Variants in NLRP4 observed in about 807,000 individuals in gnomAD.
NLRP4 encodes the protein NLR family pyrin domain containing 4.
A neutral mutation model predicts 84.7 loss-of-function variants in NLRP4; 44 were observed. The observed-to-expected ratio is 0.52, with a 90% CI of 0.41 to 0.67. NLRP4 has a LOEUF of 0.67. Ranked by LOEUF, NLRP4 falls within the 30% of genes least tolerant of loss-of-function variation. NLRP4 has a pLI of 0.00. For synonymous variants in NLRP4, 544 were observed against 476.4 expected (o/e 1.14, Z -1.85); for missense variants, 1,260 against 1,219.4 (o/e 1.03, Z -0.50).
At chr19:55,876,658 T>G (rs897161289) in intron 7 of NLRP4, among the ~76,000 whole-genome samples, 2 of 152,178 alleles carry the variant, frequency 1.3e-5, no homozygotes, top group African/African-American at 4.8e-5. Flanking sequence ...CCACCGCATC[T>G]GGCCTATATA....
At chr19:55,873,484 T>C (rs1985264372) in intron 7 of NLRP4, among the ~76,000 whole-genome samples, 1 of 152,144 alleles carries the variant, frequency 6.6e-6, no homozygotes, top group South Asian at 2.1e-4. Flanking sequence ...AGATTAAATG[T>C]TTCAGCTAAA....
At chr19:55,864,168 T>C (rs1050871207) in intron 5 of NLRP4, among the ~76,000 whole-genome samples, 53 of 152,318 alleles carry the variant, frequency 3.5e-4, no homozygotes, top group African/African-American at 1.2e-3. Context: ...TCATGACTGA[T>C]TTTAGAATGT....
intron 6 of NLRP4, among the ~76,000 whole-genome samples, chr19:55,870,306 CA>C (rs1985124581): frequency 6.6e-6 from 1 of 152,172 alleles, no homozygotes; most frequent in Non-Finnish European, 1.5e-5. Flanking sequence ...TGCCATATTA[CA>C]CGATACTTTT....
In NLRP4 at chr19:55,836,573, G is replaced by C. The variant is rs894741530; in HGVS notation, c.-427G>C. 6.6e-6 allele frequency: 1 copy of C among 152,324 alleles called. No individual in the cohort carries two copies. The highest frequency in any genetic ancestry group is 2.4e-5 in the African/African-American group (1 of 41,444). The allele number at this position is 152,324 out of a possible 1,614,324, so 9.4% of individuals were successfully genotyped here. A position where few individuals can be genotyped will look rare whatever the true frequency, so the allele number is the denominator to read the frequency against. On this transcript the variant is annotated 5_prime_UTR_variant, in exon 1 of 10. Coordinates refer to ENST00000301295, the MANE Select transcript of NLRP4 (RefSeq NM_134444.5). ...GGAAGGCGTGGAGCGGTGAGTCAGC[G>C]CTTCGTGCTGGGCTGTTCGTCTCTT... is the stretch of plus-strand genomic sequence containing the variant.
chr19:55,858,310 A>G lies in NLRP4; in HGVS notation c.917A>G (p.Asp306Gly). ...CAGCCCCGGGGATTCAACGAGAGTG[A>G]TAGGTTAGTGTATTTCTGCTGTTTC... is the stretch of plus-strand genomic sequence containing the variant. The part of the protein sequence containing the change: ...IYQPRGFNES[D>G]RLVYFCCFFK... Residue 306 changes from aspartate to glycine, a missense_variant, in exon 3 of 10, where the codon GAT becomes GGT. This residue lies in a region of NLRP4 where 712 missense variants were observed against 669.2 expected (regional missense o/e 1.06). Transcript: ENST00000301295. The surrounding 1 kb of genome is among the most constrained non-coding windows in gnomAD (Gnocchi z 4.2). The G allele has an allele frequency of 1.2e-6, 2 of 1,614,170 alleles. No individual in the cohort carries two copies. Among genetic ancestry groups the G allele is most frequent in the East Asian group, 2.2e-5 (1 of 44,878 alleles).
chr19:55,877,011 T>C lies in NLRP4; in HGVS notation c.2541T>C (p.Phe847=). The change falls in exon 8 of 10, where the codon TTT becomes TTC. Residue 847 remains phenylalanine, a synonymous_variant. Coordinates refer to ENST00000301295, the MANE Select transcript of NLRP4 (RefSeq NM_134444.5). ...TCCTTTGCAGTTTGGTAAAATGTTT[T>C]ATCACTGCTGCTGGCTGTGAAGACC... The part of the protein sequence containing the change: ...CLDSLCLVKC[F]ITAAGCEDLA... 1 of 1,613,764 alleles carries C rather than the reference T, an allele frequency of 6.2e-7. No individual in the cohort carries two copies. Among genetic ancestry groups the C allele is most frequent in the Non-Finnish European group, 8.5e-7 (1 of 1,179,720 alleles).
intron 1 of NLRP4, among the ~76,000 whole-genome samples, chr19:55,838,557 C>T (rs1299276408): frequency 6.6e-6 from 1 of 152,034 alleles, no homozygotes; most frequent in Admixed American, 6.6e-5. Flanking sequence ...GGTACGTTGT[C>T]ATGCCAGCCC....
At chr19:55,852,386 C>T (rs1177238261) in intron 2 of NLRP4, 26 bp downstream of exon 2, 2 of 1,532,036 alleles carry the variant, frequency 1.3e-6, no homozygotes, top group Non-Finnish European at 1.8e-6. Flanking sequence ...AAGGGGGAAG[C>T]CTTCTTATAA....
At chr19:55,859,706 T>A (rs1055825887) in intron 3 of NLRP4, among the ~76,000 whole-genome samples, 1 of 151,778 alleles carries the variant, frequency 6.6e-6, no homozygotes, top group Non-Finnish European at 1.5e-5. Flanking sequence ...GGCAGGTGGA[T>A]CACTTAAGGT....
Position 55,859,227 on chromosome 19 carries a change from A to G in NLRP4, c.1834A>G (p.Lys612Glu). The G allele has an allele frequency of 6.2e-7, 1 of 1,604,086 alleles. No individual in the cohort carries two copies. The highest frequency in any genetic ancestry group is 8.5e-7 in the Non-Finnish European group (1 of 1,171,640). Reference protein sequence around the residue: ...LCFSVQNVFKKEDEHSSTSDY... With the variant: ...LCFSVQNVFKEEDEHSSTSDY... Reference sequence around the variant, plus strand: ...TTTTTCCGTTCAAAATGTCTTTAAGAAAGAGGATGAACACAGCTCTACGTG... The same window carrying G: ...TTTTTCCGTTCAAAATGTCTTTAAGGAAGAGGATGAACACAGCTCTACGTG... Residue 612 changes from lysine (K) to glutamate (E), a missense_variant, in exon 3 of 10, where the codon AAA becomes GAA. Lys to Glu is a moderately conservative substitution (Grantham distance 56). Around this residue, in one of 3 missense-constraint regions of NLRP4, gnomAD observed 544 missense variants for 531.7 expected, o/e 1.02. Transcript: ENST00000301295.
intron 9 of NLRP4, among the ~76,000 whole-genome samples, 190 bp downstream of exon 9, chr19:55,879,154 TC>T (rs1985492161): frequency 6.6e-6 from 1 of 152,194 alleles, no homozygotes; most frequent in South Asian, 2.1e-4. Flanking sequence ...ACAGTGAATG[TC>T]CAACAAATGG....
At chr19:55,841,935 A>G (rs1983628231) in intron 1 of NLRP4, among the ~76,000 whole-genome samples, 1 of 152,208 alleles carries the variant, frequency 6.6e-6, no homozygotes, top group South Asian at 2.1e-4. Flanking sequence ...TCCTTTTTTA[A>G]AGAGGTATAT....
In NLRP4 at chr19:55,881,478, A is replaced by C. The variant is rs1313348455; in HGVS notation, c.2876A>C (p.Lys959Thr). ...ECALQVLGLR[K>T]TDFDEETQAL... ...TTAAAATATTTTACCAGGCTGAGAA[A>C]AACTGATTTTGATGAGGAAACCCAG... Residue 959 changes from lysine (K) to threonine (T), a missense_variant, in exon 10 of 10, where the codon AAA becomes ACA. Around this residue, in one of 3 missense-constraint regions of NLRP4, gnomAD observed 544 missense variants for 531.7 expected, o/e 1.02. Coordinates refer to ENST00000301295, the MANE Select transcript of NLRP4 (RefSeq NM_134444.5). 6.4e-7 allele frequency: 1 copy of C among 1,572,296 alleles called. No individual in the cohort carries two copies. Among genetic ancestry groups the C allele is most frequent in the East Asian group, 2.2e-5 (1 of 44,658 alleles).
chr19:55,858,305 G>C lies in NLRP4; in HGVS notation c.912G>C (p.Glu304Asp). 1 of 1,614,212 alleles carries C rather than the reference G, an allele frequency of 6.2e-7. No homozygotes were observed. The highest frequency in any genetic ancestry group is 8.5e-7 in the Non-Finnish European group (1 of 1,180,030). The stretch of plus-strand genomic sequence containing the variant: ...TCTACCAGCCCCGGGGATTCAACGA[G>C]AGTGATAGGTTAGTGTATTTCTGCT... ...SEIYQPRGFN[E>D]SDRLVYFCCF... The change falls in exon 3 of 10, where the codon GAG becomes GAC. Residue 304 changes from glutamate (E) to aspartate (D), a missense_variant. Glu to Asp is a conservative substitution (Grantham distance 45, BLOSUM62 2). Transcript: ENST00000301295. The surrounding 1 kb of genome is among the most constrained non-coding windows in gnomAD (Gnocchi z 4.2).
intron 6 of NLRP4, among the ~76,000 whole-genome samples, chr19:55,869,878 C>T (rs1985107208): frequency 6.6e-6 from 1 of 151,960 alleles, no homozygotes; most frequent in African/African-American, 2.4e-5. Flanking sequence ...TGTTTGAGCC[C>T]AGGAGTTCAA....
Position 55,878,972 on chromosome 19 carries a change from G to C in NLRP4, c.2867+8G>C. The C allele has an allele frequency of 6.2e-7, 1 of 1,609,928 alleles. No individual in the cohort carries two copies. The highest frequency in any genetic ancestry group is 8.5e-7 in the Non-Finnish European group (1 of 1,176,908). Reference sequence around the variant, plus strand: ...TGCCCTGCAGGTGCTCGGGTGAGCTGGGGTCTGTTGTGCTCTATGGGCAGA... The same window carrying C: ...TGCCCTGCAGGTGCTCGGGTGAGCTCGGGTCTGTTGTGCTCTATGGGCAGA... On this transcript the variant is annotated splice_region_variant and intron_variant, in intron 9 of 9. Coordinates refer to ENST00000301295, the MANE Select transcript of NLRP4 (RefSeq NM_134444.5).
chr19:55,879,441 T>A (rs1269190126), intron 9 of NLRP4, among the ~76,000 whole-genome samples: 1 of 152,054 alleles, frequency 6.6e-6, no homozygotes, highest in East Asian at 1.9e-4. Flanking sequence ...GAAAAACTGG[T>A]TAGGACCAGG....
chr19:55,873,949 C>A (rs1033729317), intron 7 of NLRP4, among the ~76,000 whole-genome samples: 3 of 151,284 alleles, frequency 2.0e-5, no homozygotes, highest in African/African-American at 7.3e-5. Flanking sequence ...TAAAAGGAAT[C>A]TAAAGAATAA....
chr19:55,861,959 G>T, intron 4 of NLRP4, 33 bp from the exon 5 acceptor site: 2 of 1,538,620 alleles, frequency 1.3e-6, no homozygotes, highest in Non-Finnish European at 1.8e-6. Flanking sequence ...CCCATTAGAT[G>T]AAACTCATCC....
Sources: allele counts gnomAD v4.1 joint callset (sites outside exome capture counted in the v4.1 genomes callset), GRCh38; gene constraint gnomAD v4.1.1; regional missense constraint gnomAD v4.1.1; non-coding constraint Gnocchi (gnomAD v3.1); transcripts MANE v1.5; gene names NCBI Gene and HGNC (gene_info 2026-07-23, HGNC 2026-07-21).